The following CETP variants were observed in gnomAD, a reference collection of about 807,000 sequenced individuals.
CETP encodes cholesteryl ester transfer protein.
Under a neutral mutation model 66.5 loss-of-function variants are expected in CETP, and 56 were observed. That is an observed-to-expected ratio of 0.84 (90% CI 0.68 to 1.05). The LOEUF (loss-of-function observed/expected upper bound fraction) is 1.05. CETP is among the 50% of genes least tolerant of loss of function. The probability of loss-of-function intolerance (pLI) is 0.00; values close to 1 mark genes in which losing one functional copy is unlikely to be tolerated. For missense variants in CETP, 612 were observed against 609.6 expected (o/e 1.00, Z -0.04); for synonymous variants, 251 against 245.7 (o/e 1.02, Z -0.20).
rs2056128341 is a variant in CETP, at chr16:56,973,491, T to G, written c.911T>G (p.Leu304Arg). The G allele has an allele frequency of 1.2e-6, 2 of 1,614,024 alleles. No individual in the cohort carries two copies. The highest frequency in any genetic ancestry group is 1.7e-6 in the Non-Finnish European group (2 of 1,180,020). Reference protein sequence around the residue: ...AFQDGRLMLSLMGDEFKAVLE... With the variant: ...AFQDGRLMLSRMGDEFKAVLE... ...CAGGATGGCCGCCTCATGCTCAGCC[T>G]GATGGGAGACGAGTTCAAGGTGAGT... The change falls in exon 9 of 16, where the codon CTG (leucine) becomes CGG (arginine). Residue 304 changes from leucine to arginine, a missense_variant. Transcript: ENST00000200676.
intron 3 of CETP, 23 bp from the exon 4 acceptor site, chr16:56,969,588 C>T: frequency 6.2e-7 from 1 of 1,614,212 alleles, no homozygotes; most frequent in Non-Finnish European, 8.5e-7. Context: ...GAATGAGGGT[C>T]CTGGGTCCTT....
chr16:56,966,971 G>A (rs556981780), intron 2 of CETP, among the ~76,000 whole-genome samples: 1 of 152,164 alleles, frequency 6.6e-6, no homozygotes, highest in South Asian at 2.1e-4. Context: ...TGTATTCTGT[G>A]CGGAGGTCAA....
chr16:56,971,708 T>C (rs12597250), intron 7 of CETP, among the ~76,000 whole-genome samples: 7,951 of 152,254 alleles, frequency 0.052, 459 homozygotes, highest in East Asian at 0.14. Flanking sequence ...CACTCATCCA[T>C]GTACTGTACT....
intron 10 of CETP, 141 bp from the exon 11 acceptor site, chr16:56,977,950 G>A: frequency 6.7e-6 from 6 of 900,346 alleles, no homozygotes; most frequent in Non-Finnish European, 1.0e-5. Flanking sequence ...ACAGCCTGGG[G>A]CCTGGGCACT....
rs760567825 is a variant in CETP, at chr16:56,962,101, A to C, written c.118+4A>C. ...ACCAAGCCTGCCCTCCTGGTGTGTA[A>C]GTATCAGTGCATCTGTCTGCCCTGC... On this transcript the variant is annotated splice_donor_region_variant and intron_variant, in intron 1 of 15. Coordinates refer to ENST00000200676, the MANE Select transcript of CETP (RefSeq NM_000078.3). The C allele has an allele frequency of 3.7e-6, 6 of 1,609,352 alleles. No individual in the cohort carries two copies. Among genetic ancestry groups the C allele is most frequent in the Middle Eastern group, 1.6e-4 (1 of 6,080 alleles).
chr16:56,979,808 A>G (rs2056175454), intron 11 of CETP, among the ~76,000 whole-genome samples: 1 of 151,910 alleles, frequency 6.6e-6, no homozygotes, highest in Non-Finnish European at 1.5e-5. Context: ...TGCTCGGCCA[A>G]TATTTCTTAA....
Position 56,971,074 on chromosome 16 carries a change from TC to T in CETP, c.570del (p.Phe190LeufsTer3), listed in dbSNP as rs773152860. 6.2e-7 allele frequency: 1 copy of T among 1,614,112 alleles called. No individual in the cohort carries two copies. The highest frequency in any genetic ancestry group is 1.7e-5 in the Admixed American group (1 of 60,034). On this transcript the variant is annotated frameshift_variant, in exon 6 of 16. Coordinates refer to ENST00000200676, the MANE Select transcript of CETP (RefSeq NM_000078.3). LOFTEE classifies it high-confidence loss of function. ...IKQLFTNFIS[F>X]TLKLVLKGQI... ...CAGCTGTTCACAAATTTCATCTCCT[TC>T]ACCCTGAAGCTGGTCCTGAAGGGAC...
At chr16:56,969,558 C>G (rs774719447) in intron 3 of CETP, 38 bp downstream of exon 3, 48 of 1,614,050 alleles carry the variant, frequency 3.0e-5, no homozygotes, top group Non-Finnish European at 4.1e-5. Context: ...ATGCCCTGGC[C>G]CTCTCTGGGC....
chr16:56,983,561 CG>C (rs1655493183), intron 15 of CETP, 30 bp from the exon 16 acceptor site: 1 of 1,612,758 alleles, frequency 6.2e-7, no homozygotes, highest in South Asian at 1.1e-5. Flanking sequence ...CAGCCCAGCT[CG>C]CCCCTCTCTC....
At chr16:56,969,012 T>C (rs1014331684) in intron 2 of CETP, among the ~76,000 whole-genome samples, 14 of 152,056 alleles carry the variant, frequency 9.2e-5, no homozygotes, top group African/African-American at 3.1e-4. Flanking sequence ...GTTCCCTCCA[T>C]CTTCAGCACA....
At chr16:56,967,245 G>T (rs1183645160) in intron 2 of CETP, among the ~76,000 whole-genome samples, 1 of 151,968 alleles carries the variant, frequency 6.6e-6, no homozygotes, top group Non-Finnish European at 1.5e-5. Context: ...TACTTGGGAG[G>T]CCAAGGCAGG....
At chr16:56,973,172 G>C (rs986880151) in intron 8 of CETP, among the ~76,000 whole-genome samples, 159 bp from the exon 9 acceptor site, 1 of 152,240 alleles carries the variant, frequency 6.6e-6, no homozygotes, top group Admixed American at 6.5e-5. Flanking sequence ...TTTGTTGAAT[G>C]AGTGAAAGCC....
intron 5 of CETP, 50 bp downstream of exon 5, chr16:56,970,051 AGT>A (rs769984356): frequency 6.4e-7 from 1 of 1,569,488 alleles, no homozygotes; most frequent in Non-Finnish European, 8.7e-7. Flanking sequence ...CCATCCTGTT[AGT>A]GTGTCCACGG....
chr16:56,966,703 G>A (rs1326113068), intron 2 of CETP, among the ~76,000 whole-genome samples: 2 of 151,764 alleles, frequency 1.3e-5, no homozygotes, highest in Non-Finnish European at 1.5e-5. Context: ...GGGTTCAAGC[G>A]ATTCTCCTGC....
At chr16:56,981,942 C>T (rs1357787657) in intron 13 of CETP, among the ~76,000 whole-genome samples, 3 of 152,152 alleles carry the variant, frequency 2.0e-5, no homozygotes, top group African/African-American at 7.2e-5. Flanking sequence ...CCCTGGACCT[C>T]AATTTTCCCT....
chr16:56,963,484 A>G (rs886174481), intron 2 of CETP, among the ~76,000 whole-genome samples: 3 of 152,158 alleles, frequency 2.0e-5, no homozygotes, highest in Non-Finnish European at 4.4e-5. Context: ...TTGTTTTCTT[A>G]TAGTACAGAC....
In CETP at chr16:56,975,073, A is replaced by G. The variant is rs35656795; in HGVS notation, c.931-28A>G. ...CTGAGGAGTGGACTTTACTCCACCC[A>G]CCCTCCAACTTCCTCATTTCTTTTC... On this transcript the variant is annotated intron_variant, in intron 9 of 15. Coordinates refer to ENST00000200676, the MANE Select transcript of CETP (RefSeq NM_000078.3). 4.3e-6 allele frequency: 7 copies of G among 1,612,288 alleles called. No individual in the cohort carries two copies. In the African/African-American group the frequency reaches 9.4e-5, roughly 22 times the overall value.
intron 8 of CETP, 55 bp from the exon 9 acceptor site, chr16:56,973,276 G>A (rs1352390986): frequency 9.4e-6 from 15 of 1,591,086 alleles, no homozygotes; most frequent in Non-Finnish European, 1.1e-5. Flanking sequence ...CCTGAAGCTG[G>A]ACCTGAGCCC....
chr16:56,980,925 C>CA (rs1281569701), intron 11 of CETP, among the ~76,000 whole-genome samples: 6 of 151,774 alleles, frequency 4.0e-5, no homozygotes, highest in Middle Eastern at 3.4e-3. Context: ...GTCTCAAAAA[C>CA]AAAAAAAGAA....
Sources: gnomAD v4.1 joint callset for allele counts (sites outside exome capture counted in the v4.1 genomes callset) on GRCh38, gnomAD v4.1.1 for gene constraint, MANE v1.5 for transcripts, NCBI Gene and HGNC (gene_info 2026-07-23, HGNC 2026-07-21) for gene names.